The following PTPRD variants were observed in gnomAD, a reference collection of about 807,000 sequenced individuals.
PTPRD encodes the protein receptor-type tyrosine-protein phosphatase delta.
A neutral mutation model predicts 214.5 loss-of-function variants in PTPRD; 34 were observed. The observed-to-expected ratio is 0.16, with a 90% CI of 0.12 to 0.21. PTPRD has a LOEUF of 0.21. Ranked by LOEUF, PTPRD falls within the 10% of genes least tolerant of loss-of-function variation. The pLI is 1.00. For missense variants in PTPRD, 2,545 were observed against 2,398.7 expected (o/e 1.06, Z -1.27); for synonymous variants, 1,128 against 845.7 (o/e 1.33, Z -5.79).
intron 11 of PTPRD, among the ~76,000 whole-genome samples, chr9:8,986,799 C>T (rs1296719481): frequency 6.6e-6 from 1 of 152,060 alleles, no homozygotes; most frequent in Non-Finnish European, 1.5e-5. Flanking sequence ...CGAATTATTT[C>T]TACTGGCAGA....
At chr9:9,486,081 G>A (rs1038652910) in intron 8 of PTPRD, among the ~76,000 whole-genome samples, 1 of 139,202 alleles carries the variant, frequency 7.2e-6, no homozygotes, top group South Asian at 2.4e-4. Context: ...AATCCAGGAG[G>A]TGGATGTTGT....
chr9:9,252,160 C>T (rs556176715), intron 9 of PTPRD, among the ~76,000 whole-genome samples: 5 of 152,064 alleles, frequency 3.3e-5, no homozygotes, highest in African/African-American at 7.2e-5. Flanking sequence ...GCCTCTTTGG[C>T]ATAAAGCTTA....
chr9:8,801,016 T>G (rs909623768), intron 11 of PTPRD, among the ~76,000 whole-genome samples: 1 of 152,236 alleles, frequency 6.6e-6, no homozygotes, highest in Non-Finnish European at 1.5e-5. Context: ...TAAGCCTTAG[T>G]TTCTTCATCT....
intron 11 of PTPRD, among the ~76,000 whole-genome samples, chr9:8,946,837 T>C (rs377126650): frequency 1.6e-4 from 25 of 152,090 alleles, no homozygotes; most frequent in African/African-American, 5.3e-4. Flanking sequence ...TAATTTCTAT[T>C]TTCATAATTT....
chr9:9,455,629 A>T (rs2092881997), intron 8 of PTPRD, among the ~76,000 whole-genome samples: 1 of 151,654 alleles, frequency 6.6e-6, no homozygotes, highest in Non-Finnish European at 1.5e-5. Context: ...CTAAATGGAG[A>T]TCCAAGTAAC....
At chr9:9,597,912 A>G (rs781345034) in intron 7 of PTPRD, among the ~76,000 whole-genome samples, 3 of 152,086 alleles carry the variant, frequency 2.0e-5, no homozygotes, top group Admixed American at 1.3e-4. Context: ...TCTTTCCCTA[A>G]TTTTCTGTGA....
In PTPRD at chr9:9,507,552, A is replaced by T. The variant is rs200060047; in HGVS notation, c.-237+67180T>A. Among the ~76,000 whole-genome samples, 8 of 151,664 alleles carry T rather than the reference A, an allele frequency of 5.3e-5. 1 individual carries two copies. In the East Asian group the frequency reaches 1.4e-3, roughly 26 times the overall value. ...CTACCCATGGAAAGGGAGAACAGAA[A>T]GTAAAGCTAGTATGATGATTAAGGA... On this transcript the variant is annotated intron_variant, in intron 8 of 45. Coordinates refer to ENST00000381196, the MANE Select transcript of PTPRD (RefSeq NM_002839.4).
At chr9:9,654,733 T>C (rs1481748185) in intron 7 of PTPRD, among the ~76,000 whole-genome samples, 6 of 152,184 alleles carry the variant, frequency 3.9e-5, no homozygotes, top group Admixed American at 3.9e-4. Context: ...CAAGACATTG[T>C]CAATTGATAT....
At chr9:8,576,631 CAAAAAA>C (rs71317371) in intron 14 of PTPRD, among the ~76,000 whole-genome samples, 2 of 116,030 alleles carry the variant, frequency 1.7e-5, no homozygotes, top group African/African-American at 3.1e-5. Flanking sequence ...GCTAATGCAG[CAAAAAA>C]AAAAAAAAAA....
chr9:9,989,634 C>G (rs1038405532), intron 4 of PTPRD, among the ~76,000 whole-genome samples: 1 of 152,180 alleles, frequency 6.6e-6, no homozygotes, highest in Non-Finnish European at 1.5e-5. Flanking sequence ...CCTCATTCCT[C>G]CTGGACACTG....
intron 39 of PTPRD, among the ~76,000 whole-genome samples, chr9:8,370,351 G>A (rs1392243595): frequency 6.6e-6 from 1 of 152,006 alleles, no homozygotes; most frequent in Non-Finnish European, 1.5e-5. Context: ...CGAAGAGTAA[G>A]AACTGGATAT....
rs141105034 is a variant in PTPRD, at chr9:9,741,958, T to C, written c.-325-7387A>G. 1.4e-3 allele frequency among the ~76,000 whole-genome samples: 207 copies of C among 152,328 alleles called. 1 individual carries two copies. The highest frequency in any genetic ancestry group is 4.6e-3 in the African/African-American group (192 of 41,578). ...TATAGTAGAATGATTTATAATCCTT[T>C]GGGTATATACCTAGTAATGCAATTG... On this transcript the variant is annotated intron_variant, in intron 6 of 45. Transcript: ENST00000381196.
At chr9:9,676,965 A>T (rs1346838544) in intron 7 of PTPRD, among the ~76,000 whole-genome samples, 3 of 151,824 alleles carry the variant, frequency 2.0e-5, no homozygotes, top group Admixed American at 6.6e-5. Context: ...CCACTTGTTG[A>T]TGGGGTTGTT....
At chr9:10,150,998 G>C (rs138041346) in intron 3 of PTPRD, among the ~76,000 whole-genome samples, 1 of 151,202 alleles carries the variant, frequency 6.6e-6, no homozygotes, top group African/African-American at 2.4e-5. Context: ...GTGAGTTGTG[G>C]ATATAAAATA....
intron 7 of PTPRD, among the ~76,000 whole-genome samples, chr9:9,695,191 T>C (rs1595438468): frequency 6.6e-6 from 1 of 152,142 alleles, no homozygotes; most frequent in African/African-American, 2.4e-5. Flanking sequence ...TTGCCAGGAC[T>C]GGGTCCTTCC....
chr9:9,919,304 G>A (rs563480799), intron 5 of PTPRD, among the ~76,000 whole-genome samples: 2 of 152,118 alleles, frequency 1.3e-5, no homozygotes, highest in South Asian at 2.1e-4. Flanking sequence ...ATTCCATTGA[G>A]CTGGGTGAAT....
At position 8,933,340 on chromosome 9, in the gene PTPRD, G is replaced by GTTTTTTTTTTTTTTTTTTTTTTT. The variant is rs71317383; in HGVS notation, c.-104+85334_-104+85356dup. 4.9e-3 allele frequency among the ~76,000 whole-genome samples: 392 copies of GTTTTTTTTTTTTTTTTTTTTTTT among 80,256 alleles called. 69 individuals carry two copies. The highest frequency in any genetic ancestry group is 6.6e-3 in the Non-Finnish European group (285 of 43,452). The allele number at this position is 80,256 out of a possible 152,430, so 52.7% of individuals were successfully genotyped here. A position where few individuals can be genotyped will look rare whatever the true frequency, so the allele number is the denominator to read the frequency against. ...CCATCTTGCCAGCCACAACCTTGAG[G>GTTTTTTTTTTTTTTTTTTTTTTT]TTTTTTTTTTTTTTTTTTTTTTTAC... On this transcript the variant is annotated intron_variant, in intron 11 of 45. Transcript: ENST00000381196.
intron 5 of PTPRD, among the ~76,000 whole-genome samples, chr9:9,915,548 A>C (rs1278743354): frequency 6.6e-6 from 1 of 151,908 alleles, no homozygotes; most frequent in Non-Finnish European, 1.5e-5. Flanking sequence ...TTAAAAAAAG[A>C]ACCAAACAGA....
At chr9:10,194,345 TAGAGAGAG>T (rs1182799154) in intron 3 of PTPRD, among the ~76,000 whole-genome samples, 296 of 39,488 alleles carry the variant, frequency 7.5e-3, no homozygotes, top group African/African-American at 0.014. Context: ...TATATATATA[TAGAGAGAG>T]AGAGAGAGAG....
Sources: gnomAD v4.1 joint callset for allele counts (sites outside exome capture counted in the v4.1 genomes callset) on GRCh38, gnomAD v4.1.1 for gene constraint, MANE v1.5 for transcripts, NCBI Gene and HGNC (gene_info 2026-07-23, HGNC 2026-07-21) for gene names.